The following PGGT1B variants were observed in gnomAD, a reference collection of about 807,000 sequenced individuals.
The protein encoded by PGGT1B is protein geranylgeranyltransferase type I subunit beta.
Under a neutral mutation model 46.1 loss-of-function variants are expected in PGGT1B, and 30 were observed. The ratio of observed to expected loss-of-function variants is 0.65; its 90% CI spans 0.49 to 0.88. PGGT1B has a LOEUF of 0.88. Among genes scored for constraint, PGGT1B ranks in the 40% least tolerant of loss-of-function variants. The pLI, the probability that PGGT1B is intolerant of heterozygous loss-of-function variation, is 0.00. For missense variants in PGGT1B, 376 were observed against 455.9 expected, an observed-to-expected ratio of 0.82 and a Z score of 1.60; for synonymous variants, 170 against 160.0, an observed-to-expected ratio of 1.06 and a Z score of -0.47.
rs1756495133 is a variant in PGGT1B at position 115,218,560 on chromosome 5, G to C, written c.844-1587C>G. On this transcript the variant is annotated intron_variant, in intron 7 of 8. Coordinates refer to ENST00000419445, the MANE Select transcript of PGGT1B (RefSeq NM_005023.4). ...ATTGGAAAGGCTGAGGGGATGGTAGGGAACCAACTCATTTTGTTGAACACT... is the reference window on the plus strand; with the variant it reads ...ATTGGAAAGGCTGAGGGGATGGTAGCGAACCAACTCATTTTGTTGAACACT... 2.0e-5 allele frequency among the ~76,000 whole-genome samples: 3 copies of C among 149,444 alleles called. 1 individual carries two copies. The South Asian group carries it at 6.3e-4, about 31-fold the overall frequency.
intron 2 of PGGT1B, among the ~76,000 whole-genome samples, chr5:115,243,744 A>G (rs1472104634): frequency 6.6e-6 from 1 of 152,118 alleles, no homozygotes; most frequent in African/African-American, 2.4e-5. Context: ...TCTGCCTCCA[A>G]GCTCATTCAG....
chr5:115,245,201 T>C (rs1031685477), intron 2 of PGGT1B, among the ~76,000 whole-genome samples: 3 of 152,180 alleles, frequency 2.0e-5, no homozygotes, highest in Admixed American at 2.0e-4. Flanking sequence ...TCAGGTGTTT[T>C]ACATAGAGGC....
intron 1 of PGGT1B, among the ~76,000 whole-genome samples, chr5:115,255,215 T>C (rs1366385742): frequency 1.3e-5 from 2 of 152,186 alleles, no homozygotes; most frequent in African/African-American, 4.8e-5. Flanking sequence ...CTAATCACAG[T>C]CTATAACACT....
rs1375725306 is a variant in PGGT1B, at chr5:115,210,294, C to A, written c.*2108G>T. 6.6e-6 allele frequency: 1 copy of A among 151,998 alleles called. No individual in the cohort carries two copies. The highest frequency in any genetic ancestry group is 1.5e-5 in the Non-Finnish European group (1 of 67,962). 9.4% of individuals were successfully genotyped at this position (151,998 alleles called of 1,614,324 possible). On this transcript the variant is annotated 3_prime_UTR_variant, in exon 9 of 9. Coordinates refer to ENST00000419445, the MANE Select transcript of PGGT1B (RefSeq NM_005023.4). ...GACTTCGTATTTTCCCTCATTACAT[C>A]GCTCCTGTTAAGGAATAAAGTGTAT...
At chr5:115,260,779 G>A (rs544055672) in intron 1 of PGGT1B, among the ~76,000 whole-genome samples, 10 of 152,292 alleles carry the variant, frequency 6.6e-5, no homozygotes, top group African/African-American at 2.2e-4. Context: ...ATAACACCTG[G>A]TGTCGATCCT....
Position 115,212,214 on chromosome 5 carries a change from A to T in PGGT1B, c.*188T>A, listed in dbSNP as rs1212328176. The T allele has an allele frequency of 9.3e-7, 1 of 1,078,754 alleles. No individual in the cohort carries two copies. Among genetic ancestry groups the T allele is most frequent in the Non-Finnish European group, 1.3e-6 (1 of 788,296 alleles). The allele number at this position is 1,078,754 out of a possible 1,614,324, so 66.8% of individuals were successfully genotyped here. On this transcript the variant is annotated 3_prime_UTR_variant, in exon 9 of 9. Transcript: ENST00000419445. ...ACGACAAAGTTGTGGTTCAAACTTCAACAAAGATTTTCTTGAAACCCAGTA... is the reference window on the plus strand; with the variant it reads ...ACGACAAAGTTGTGGTTCAAACTTCTACAAAGATTTTCTTGAAACCCAGTA...
At position 115,207,180 on chromosome 5, in the gene PGGT1B, C is replaced by CACATATAT. The variant is rs1554069086; in HGVS notation, c.*5221_*5222insATATATGT. ...ACTAGTTTAGGTTTGCATATACATA[C>CACATATAT]ATATATATATATATATATATATATA... On this transcript the variant is annotated 3_prime_UTR_variant, in exon 9 of 9. Transcript: ENST00000419445. The CACATATAT allele has an allele frequency of 5.6e-5, 5 of 89,958 alleles. No individual in the cohort carries two copies. Among genetic ancestry groups the CACATATAT allele is most frequent in the African/African-American group, 2.0e-4 (5 of 24,528 alleles). 5.6% of individuals were successfully genotyped at this position (89,958 alleles called of 1,614,324 possible).
intron 1 of PGGT1B, among the ~76,000 whole-genome samples, chr5:115,256,868 G>T (rs2127034026): frequency 6.6e-6 from 1 of 152,310 alleles, no homozygotes; most frequent in East Asian, 1.9e-4. Context: ...AGGGGTAATT[G>T]TGCGAACACA....
chr5:115,249,829 G>C (rs1015820623), intron 2 of PGGT1B, among the ~76,000 whole-genome samples: 6 of 152,124 alleles, frequency 3.9e-5, no homozygotes, highest in Non-Finnish European at 7.4e-5. Context: ...CTTATTTACT[G>C]CATAATATTC....
rs1756165268 is a variant in PGGT1B, at chr5:115,209,652, A to G, written c.*2750T>C. On this transcript the variant is annotated 3_prime_UTR_variant, in exon 9 of 9. Transcript: ENST00000419445. ...CTGTATTCTTATGGGGAGATTAGAA[A>G]ACAACACTGTTGTCATCATTTTCCC... The G allele has an allele frequency of 6.6e-6, 1 of 152,244 alleles. No individual in the cohort carries two copies. The highest frequency in any genetic ancestry group is 1.5e-5 in the Non-Finnish European group (1 of 67,998). 9.4% of individuals were successfully genotyped at this position (152,244 alleles called of 1,614,324 possible).
At chr5:115,230,122 A>G (rs1756931058) in intron 6 of PGGT1B, among the ~76,000 whole-genome samples, 1 of 152,122 alleles carries the variant, frequency 6.6e-6, no homozygotes, top group Non-Finnish European at 1.5e-5. Flanking sequence ...CAACAATCCT[A>G]AAGAAAGATG....
chr5:115,237,519 G>A (rs925034163), intron 4 of PGGT1B, among the ~76,000 whole-genome samples: 2 of 152,008 alleles, frequency 1.3e-5, no homozygotes, highest in Non-Finnish European at 2.9e-5. Flanking sequence ...AAGGAACTGA[G>A]GTCCAGACTA....
At chr5:115,253,950 T>C (rs951298987) in intron 1 of PGGT1B, among the ~76,000 whole-genome samples, 1 of 151,956 alleles carries the variant, frequency 6.6e-6, no homozygotes, top group Non-Finnish European at 1.5e-5. Flanking sequence ...AAGAATTTGT[T>C]ATATATAATT....
intron 6 of PGGT1B, among the ~76,000 whole-genome samples, chr5:115,223,569 A>G (rs1327057901): frequency 1.3e-5 from 2 of 152,182 alleles, no homozygotes; most frequent in Non-Finnish European, 2.9e-5. Context: ...TGTTGGCGAA[A>G]GGAGCCGGCC....
intron 2 of PGGT1B, among the ~76,000 whole-genome samples, chr5:115,243,264 T>C (rs1463561739): frequency 1.3e-5 from 2 of 152,202 alleles, no homozygotes; most frequent in African/African-American, 4.8e-5. Context: ...TGAGAAGAAA[T>C]GCACACTGCA....
intron 2 of PGGT1B, among the ~76,000 whole-genome samples, chr5:115,244,940 G>A (rs1747759171): frequency 6.6e-6 from 1 of 152,194 alleles, no homozygotes; most frequent in East Asian, 1.9e-4. Flanking sequence ...TGGATGAGGG[G>A]CAGTATCAAA....
rs145205885 is a variant in PGGT1B, at chr5:115,212,610, T to C, written c.953-27A>G. 6.5e-5 allele frequency: 97 copies of C among 1,484,002 alleles called. No individual in the cohort carries two copies. The African/African-American group carries it at 9.8e-4, about 15-fold the overall frequency. The allele number at this position is 1,484,002 out of a possible 1,614,324, so 91.9% of individuals were successfully genotyped here. On this transcript the variant is annotated intron_variant, in intron 8 of 8. Coordinates refer to ENST00000419445, the MANE Select transcript of PGGT1B (RefSeq NM_005023.4). ...TGAAAAGAAGGCATTTAAAACATCA[T>C]AATAGGCATTCTTACTTGTACATTC... is the stretch of plus-strand genomic sequence containing the variant.
chr5:115,240,686 A>G (rs184949198), intron 3 of PGGT1B, among the ~76,000 whole-genome samples: 1 of 152,308 alleles, frequency 6.6e-6, no homozygotes, highest in East Asian at 1.9e-4. Flanking sequence ...ACTGCTATTT[A>G]TTCCAAAAAT....
At chr5:115,219,827 C>A (rs1756533099) in intron 7 of PGGT1B, among the ~76,000 whole-genome samples, 2 of 151,636 alleles carry the variant, frequency 1.3e-5, no homozygotes, top group African/African-American at 2.4e-5. Flanking sequence ...AATAAGTACA[C>A]AGAAAGACAC....
Sources: allele counts gnomAD v4.1 joint callset (sites outside exome capture counted in the v4.1 genomes callset), GRCh38; gene constraint gnomAD v4.1.1; transcripts MANE v1.5; gene names NCBI Gene and HGNC (gene_info 2026-07-23, HGNC 2026-07-21).